Variants in CAMK4 observed in about 807,000 individuals in gnomAD.
CAMK4 encodes calcium/calmodulin dependent protein kinase IV.
A neutral mutation model predicts 44.9 loss-of-function variants in CAMK4; 22 were observed. The observed-to-expected ratio is 0.49, with a 90% CI of 0.35 to 0.70. The LOEUF (loss-of-function observed/expected upper bound fraction) is 0.70, where lower values mean the gene tolerates loss of function less well. Among genes scored for constraint, CAMK4 ranks in the 30% least tolerant of loss-of-function variants. CAMK4 has a pLI of 0.01. For missense variants in CAMK4, 498 were observed against 586.8 expected (o/e 0.85, Z 1.56); for synonymous variants, 218 against 215.4 (o/e 1.01, Z -0.11).
rs562503152 is a variant in CAMK4, at chr5:111,302,264, G to C, written c.162-41760G>C. On this transcript the variant is annotated intron_variant, in intron 1 of 10. Coordinates refer to ENST00000282356, the MANE Select transcript of CAMK4 (RefSeq NM_001744.6). ...GAGCCAAGATGGCCGAATAGGAACA[G>C]CTCCGGTCTACAGCTCCCAGCGTGA... 1.5e-3 allele frequency: 232 copies of C among 154,952 alleles called. 3 individuals carry two copies. The highest frequency in any genetic ancestry group is 4.0e-3 in the Admixed American group (62 of 15,316). The allele number at this position is 154,952 out of a possible 1,614,324, so 9.6% of individuals were successfully genotyped here. A position where few individuals can be genotyped will look rare whatever the true frequency, so the allele number is the denominator to read the frequency against.
rs1749004720 is a variant in CAMK4, at chr5:111,241,817, A to G, written c.161+17173A>G. On this transcript the variant is annotated intron_variant, in intron 1 of 10. Coordinates refer to ENST00000282356, the MANE Select transcript of CAMK4 (RefSeq NM_001744.6). ...TAACCAGTGAGAAGCTTTGAATCTAATAGGAGAAGCTGTCCCTGGAATCTT... is the reference window on the plus strand; with the variant it reads ...TAACCAGTGAGAAGCTTTGAATCTAGTAGGAGAAGCTGTCCCTGGAATCTT... Among the ~76,000 whole-genome samples, 5 of 152,222 alleles carry G rather than the reference A, an allele frequency of 3.3e-5. No homozygotes were observed. The South Asian group carries it at 1.0e-3, about 31-fold the overall frequency.
intron 4 of CAMK4, among the ~76,000 whole-genome samples, chr5:111,387,515 T>C (rs1751647510): frequency 6.6e-6 from 1 of 152,228 alleles, no homozygotes; most frequent in South Asian, 2.1e-4. Context: ...ATCTTTTCAC[T>C]TATTGCATTG....
intron 1 of CAMK4, among the ~76,000 whole-genome samples, chr5:111,336,233 C>G (rs1214041462): frequency 6.6e-6 from 1 of 151,122 alleles, no homozygotes; most frequent in East Asian, 1.9e-4. Flanking sequence ...ATAATATCCT[C>G]TAATGTATAA....
intron 4 of CAMK4, among the ~76,000 whole-genome samples, chr5:111,394,453 C>T (rs1349687714): frequency 6.6e-6 from 1 of 152,074 alleles, no homozygotes. Context: ...CAAAACAAAG[C>T]TTAAAACAGA....
intron 1 of CAMK4, among the ~76,000 whole-genome samples, chr5:111,277,874 T>C (rs1750842998): frequency 6.6e-6 from 1 of 152,206 alleles, no homozygotes; most frequent in Non-Finnish European, 1.5e-5. Flanking sequence ...GGTATATAAA[T>C]ATAAAAACTG....
intron 2 of CAMK4, among the ~76,000 whole-genome samples, chr5:111,367,000 G>A (rs1191581894): frequency 6.6e-6 from 1 of 151,662 alleles, no homozygotes; most frequent in East Asian, 1.9e-4. Flanking sequence ...CTTCATGTTA[G>A]TAACAAGAGC....
At position 111,482,831 on chromosome 5, in the gene CAMK4, T is replaced by G; in HGVS notation, c.875T>G (p.Phe292Cys). Residue 292 changes from phenylalanine to cysteine, a missense_variant, in exon 10 of 11, where the codon TTT becomes TGT. Phe to Cys is a radical substitution (Grantham distance 205). Transcript: ENST00000282356. This position sits in a 1 kb window ranked among gnomAD's most constrained non-coding sequence, Gnocchi z 4.9. ...VLDPKKRLTT[F>C]QALQHPWVTG... Reference sequence around the variant, plus strand: ...GATCCAAAGAAACGGCTGACTACATTTCAAGCTCTCCAGCATCCGTGGGTC... The same window carrying G: ...GATCCAAAGAAACGGCTGACTACATGTCAAGCTCTCCAGCATCCGTGGGTC... 1 of 1,612,566 alleles carries G rather than the reference T, an allele frequency of 6.2e-7. No homozygotes were observed. Among genetic ancestry groups the G allele is most frequent in the Non-Finnish European group, 8.5e-7 (1 of 1,179,384 alleles).
chr5:111,458,847 A>C (rs1027240195), intron 7 of CAMK4, among the ~76,000 whole-genome samples: 1 of 152,200 alleles, frequency 6.6e-6, no homozygotes, highest in East Asian at 1.9e-4. Flanking sequence ...AAAGTCCACC[A>C]AGAAGGTTAG....
chr5:111,449,140 C>G lies in CAMK4; in HGVS notation c.562C>G (p.Leu188Val), dbSNP rs752814437. 1 of 1,542,750 alleles carries G rather than the reference C, an allele frequency of 6.5e-7. No homozygotes were observed. Among genetic ancestry groups the G allele is most frequent in the Non-Finnish European group, 8.9e-7 (1 of 1,119,254 alleles). Residue 188 changes from leucine (L) to valine (V), a missense_variant, in exon 7 of 11, where the codon CTC (leucine) becomes GTC (valine). By Grantham distance (32) the Leu-to-Val change is conservative (BLOSUM62 1). Transcript: ENST00000282356. ...DAPLKIADFG[L>V]SKIVEHQVLM... ...TCTTGTGTTATTAGCTGATTTTGGACTCTCTAAAATTGTGGAACATCAAGT... is the reference window on the plus strand; with the variant it reads ...TCTTGTGTTATTAGCTGATTTTGGAGTCTCTAAAATTGTGGAACATCAAGT...
intron 1 of CAMK4, among the ~76,000 whole-genome samples, chr5:111,227,053 C>T (rs924907179): frequency 1.3e-5 from 2 of 152,068 alleles, no homozygotes; most frequent in East Asian, 3.8e-4. Flanking sequence ...AGCAGTAAAG[C>T]GTATTGTTAG....
intron 1 of CAMK4, among the ~76,000 whole-genome samples, chr5:111,313,243 C>A (rs1204107513): frequency 6.6e-6 from 1 of 152,042 alleles, no homozygotes; most frequent in African/African-American, 2.4e-5. Flanking sequence ...TGTCTCACCC[C>A]CAGTTATGAT....
chr5:111,413,436 G>C (rs567800450), intron 5 of CAMK4, among the ~76,000 whole-genome samples: 111 of 152,180 alleles, frequency 7.3e-4, no homozygotes, highest in African/African-American at 2.5e-3. Flanking sequence ...AAATAGCCAG[G>C]GATGGTGATG....
chr5:111,425,912 A>G (rs376671353), intron 5 of CAMK4, among the ~76,000 whole-genome samples: 29 of 152,204 alleles, frequency 1.9e-4, no homozygotes, highest in South Asian at 6.2e-4. Flanking sequence ...TTTTTAAACT[A>G]TGTCATTTAA....
At chr5:111,333,358 T>G (rs1749255569) in intron 1 of CAMK4, among the ~76,000 whole-genome samples, 1 of 151,600 alleles carries the variant, frequency 6.6e-6, no homozygotes, top group African/African-American at 2.4e-5. Flanking sequence ...TCGCAAGATG[T>G]TTGATTAGTT....
intron 1 of CAMK4, among the ~76,000 whole-genome samples, chr5:111,280,421 C>T (rs1452771039): frequency 3.3e-5 from 5 of 152,198 alleles, no homozygotes; most frequent in Non-Finnish European, 7.3e-5. Flanking sequence ...CTTCCAGTTA[C>T]ATAACCTAGT....
At chr5:111,279,796 T>C (rs1373996291) in intron 1 of CAMK4, among the ~76,000 whole-genome samples, 1 of 152,160 alleles carries the variant, frequency 6.6e-6, no homozygotes, top group Non-Finnish European at 1.5e-5. Context: ...AGGGCAGGAA[T>C]TGAATAATAT....
intron 2 of CAMK4, among the ~76,000 whole-genome samples, chr5:111,354,464 T>A (rs1285892294): frequency 1.4e-5 from 2 of 144,720 alleles, no homozygotes; most frequent in African/African-American, 2.6e-5. Flanking sequence ...AAAAACTACG[T>A]GAGGTGATGG....
intron 1 of CAMK4, among the ~76,000 whole-genome samples, chr5:111,320,029 T>C (rs951138248): frequency 3.3e-5 from 5 of 152,122 alleles, no homozygotes; most frequent in African/African-American, 1.2e-4. Flanking sequence ...AAAAAGAATG[T>C]GATTTATGTG....
chr5:111,270,617 C>T (rs967646148), intron 1 of CAMK4, among the ~76,000 whole-genome samples: 1 of 152,182 alleles, frequency 6.6e-6, no homozygotes, highest in African/African-American at 2.4e-5. Context: ...CAGCTTACCC[C>T]TATTCCCTTC....
Sources: allele counts gnomAD v4.1 joint callset (sites outside exome capture counted in the v4.1 genomes callset), GRCh38; gene constraint gnomAD v4.1.1; non-coding constraint Gnocchi (gnomAD v3.1); transcripts MANE v1.5; gene names NCBI Gene and HGNC (gene_info 2026-07-23, HGNC 2026-07-21).